The following LRFN2 variants were observed in gnomAD, a reference collection of about 807,000 sequenced individuals.
LRFN2 encodes the protein leucine rich repeat and fibronectin type III domain containing 2, also known as leucine-rich repeat and fibronectin type-III domain-containing protein 2.
LRFN2 carries 18 observed loss-of-function variants against 37.3 expected under a neutral mutation model. That is an observed-to-expected ratio of 0.48 (90% CI 0.33 to 0.72). The LOEUF is 0.72. LRFN2 is among the 30% of genes least tolerant of loss of function. LRFN2 has a pLI of 0.02. For synonymous variants in LRFN2, 556 were observed against 466.6 expected (o/e 1.19, Z -2.47); for missense variants, 1,006 against 1,060.7 (o/e 0.95, Z 0.72).
intron 1 of LRFN2, among the ~76,000 whole-genome samples, chr6:40,471,474 C>T (rs1764593758): frequency 6.6e-6 from 1 of 151,614 alleles, no homozygotes; most frequent in Non-Finnish European, 1.5e-5. Flanking sequence ...CACTGAACTG[C>T]CCTGGGAGAG....
At chr6:40,401,559 A>G (rs1253044125) in intron 2 of LRFN2, among the ~76,000 whole-genome samples, 1 of 152,098 alleles carries the variant, frequency 6.6e-6, no homozygotes, top group Non-Finnish European at 1.5e-5. Context: ...GCTTTACATT[A>G]TGGCAATTAT....
chr6:40,431,471 A>G (rs1487605723), intron 2 of LRFN2, among the ~76,000 whole-genome samples: 1 of 152,172 alleles, frequency 6.6e-6, no homozygotes, highest in Non-Finnish European at 1.5e-5. Context: ...CCCAGCCGGG[A>G]GGTGTGGTCT....
intron 1 of LRFN2, among the ~76,000 whole-genome samples, chr6:40,485,539 A>C (rs1230259071): frequency 6.6e-6 from 1 of 152,220 alleles, no homozygotes; most frequent in Admixed American, 6.5e-5. Context: ...ATCAGCAGAC[A>C]ATGCAGCTAG....
chr6:40,495,754 T>C (rs1765210478), intron 1 of LRFN2, among the ~76,000 whole-genome samples: 1 of 152,208 alleles, frequency 6.6e-6, no homozygotes, highest in African/African-American at 2.4e-5. Flanking sequence ...CATTGTCAGA[T>C]TGCCTAAGGC....
At chr6:40,525,717 T>A (rs1235903005) in intron 1 of LRFN2, among the ~76,000 whole-genome samples, 2 of 152,022 alleles carry the variant, frequency 1.3e-5, no homozygotes, top group Non-Finnish European at 2.9e-5. Context: ...TCCCCTTAGG[T>A]CAGTTGACCC....
At chr6:40,537,269 T>C (rs570218099) in intron 1 of LRFN2, among the ~76,000 whole-genome samples, 6 of 152,310 alleles carry the variant, frequency 3.9e-5, no homozygotes, top group African/African-American at 1.4e-4. Flanking sequence ...ATACTGGGAA[T>C]AGTTCCTGGC....
chr6:40,531,605 C>A (rs953548693), intron 1 of LRFN2, among the ~76,000 whole-genome samples: 2 of 151,998 alleles, frequency 1.3e-5, no homozygotes, highest in African/African-American at 2.4e-5. Flanking sequence ...TTCGTTGCCC[C>A]CTCCCTCCCT....
chr6:40,542,719 T>G (rs1766579054), intron 1 of LRFN2, among the ~76,000 whole-genome samples: 1 of 152,164 alleles, frequency 6.6e-6, no homozygotes, highest in African/African-American at 2.4e-5. Flanking sequence ...AACAGGAGAA[T>G]TTGGCCCTGC....
intron 1 of LRFN2, among the ~76,000 whole-genome samples, chr6:40,433,539 T>C (rs1452713160): frequency 4.6e-5 from 7 of 152,174 alleles, no homozygotes; most frequent in African/African-American, 1.4e-4. Context: ...GATGGATGGA[T>C]GGATGGATGA....
At chr6:40,429,730 T>C (rs34933111) in intron 2 of LRFN2, among the ~76,000 whole-genome samples, 16,002 of 152,230 alleles carry the variant, frequency 0.11, 1,171 homozygotes, top group Non-Finnish European at 0.15. Context: ...AATATATTTA[T>C]GGGCAAAAAT....
In LRFN2 at chr6:40,435,042, TATATATATATAGAGAGAGAGAGAGAGAG is replaced by T. The variant is rs1383392937; in HGVS notation, c.-18-1939_-18-1912del. Among the ~76,000 whole-genome samples, 3 of 91,998 alleles carry T rather than the reference TATATATATATAGAGAGAGAGAGAGAGAG, an allele frequency of 3.3e-5. No homozygotes were observed. The East Asian group carries it at 1.0e-3, about 31-fold the overall frequency. The allele number at this position is 91,998 out of a possible 152,430, so 60.4% of individuals were successfully genotyped here. The stretch of plus-strand genomic sequence containing the variant: ...ATATATATATATATATATATATATA[TATATATATATAGAGAGAGAGAGAGAGAG>T]AGAGAGAGAGAGAGAGAGAGACAGA... On this transcript the variant is annotated intron_variant, in intron 1 of 2. Coordinates refer to ENST00000338305, the MANE Select transcript of LRFN2 (RefSeq NM_020737.3).
chr6:40,435,014 CATATATATATATATATATATATATATAT>C (rs368583078), intron 1 of LRFN2, among the ~76,000 whole-genome samples: 6 of 48,012 alleles, frequency 1.2e-4, no homozygotes, highest in African/African-American at 3.9e-4. Context: ...AATGGTTTTA[CATATATATATATATATATATATATATAT>C]ATATATATAT....
At chr6:40,429,611 T>C (rs890412311) in intron 2 of LRFN2, among the ~76,000 whole-genome samples, 4 of 152,226 alleles carry the variant, frequency 2.6e-5, no homozygotes, top group Admixed American at 2.0e-4. Context: ...GTACTTCCAC[T>C]GGTGAAAGGG....
chr6:40,397,600 C>T (rs547848610), intron 2 of LRFN2, among the ~76,000 whole-genome samples: 106 of 152,324 alleles, frequency 7.0e-4, no homozygotes, highest in African/African-American at 2.2e-3. Flanking sequence ...CAGCCTCTGA[C>T]GCTGCCCACA....
chr6:40,512,755 G>T (rs894640303), intron 1 of LRFN2, among the ~76,000 whole-genome samples: 3 of 152,192 alleles, frequency 2.0e-5, no homozygotes, highest in Non-Finnish European at 1.5e-5. Flanking sequence ...TACCAGGAGG[G>T]TGCCAGAGAC....
chr6:40,408,565 A>T (rs948110080), intron 2 of LRFN2, among the ~76,000 whole-genome samples: 1 of 152,230 alleles, frequency 6.6e-6, no homozygotes, highest in Non-Finnish European at 1.5e-5. Flanking sequence ...GTCGCTGAAG[A>T]TCCAGCATGG....
At chr6:40,462,178 C>T (rs962810478) in intron 1 of LRFN2, among the ~76,000 whole-genome samples, 1 of 152,152 alleles carries the variant, frequency 6.6e-6, no homozygotes, top group Non-Finnish European at 1.5e-5. Flanking sequence ...AAAACAGAGG[C>T]GAAGTATTAA....
In LRFN2 at chr6:40,583,454, A is replaced by G. The variant is rs143973606; in HGVS notation, c.-19+3487T>C. The stretch of plus-strand genomic sequence containing the variant: ...GTGTCCACCTGCCTGGCCTGTAATC[A>G]CTGGTTAACTGCAGTCCCACATAAA... On this transcript the variant is annotated intron_variant, in intron 1 of 2. Coordinates refer to ENST00000338305, the MANE Select transcript of LRFN2 (RefSeq NM_020737.3). Among the ~76,000 whole-genome samples, 592 of 152,202 alleles carry G rather than the reference A, an allele frequency of 3.9e-3. 6 individuals carry two copies. Among genetic ancestry groups the G allele is most frequent in the African/African-American group, 0.013 (560 of 41,526 alleles).
chr6:40,459,700 A>G (rs774282826), intron 1 of LRFN2, among the ~76,000 whole-genome samples: 7 of 152,206 alleles, frequency 4.6e-5, no homozygotes, highest in Non-Finnish European at 7.3e-5. Flanking sequence ...ACTTTCACCT[A>G]TGCTTCTTTT....
Sources: gnomAD v4.1 joint callset for allele counts (sites outside exome capture counted in the v4.1 genomes callset) on GRCh38, gnomAD v4.1.1 for gene constraint, MANE v1.5 for transcripts, NCBI Gene and HGNC (gene_info 2026-07-23, HGNC 2026-07-21) for gene names.